Variants in MAD1L1 observed in about 807,000 individuals in gnomAD.
The protein encoded by MAD1L1 is mitotic arrest deficient 1 like 1, also known as mitotic spindle assembly checkpoint protein MAD1.
A neutral mutation model predicts 96.9 loss-of-function variants in MAD1L1; 95 were observed. The ratio of observed to expected loss-of-function variants is 0.98; its 90% CI spans 0.83 to 1.16. MAD1L1 has a LOEUF of 1.16. MAD1L1 is among the 50% of genes most tolerant of loss of function. MAD1L1 has a pLI of 0.00. For synonymous variants in MAD1L1, 473 were observed against 396.6 expected (o/e 1.19, Z -2.29); for missense variants, 1,007 against 954.4 (o/e 1.06, Z -0.73).
intron 18 of MAD1L1, among the ~76,000 whole-genome samples, chr7:1,863,120 C>T (rs1328927868): frequency 6.6e-6 from 1 of 152,276 alleles, no homozygotes; most frequent in Admixed American, 6.5e-5. Flanking sequence ...GAGGGAGCCC[C>T]AAGCCCCGCA....
At chr7:1,965,940 C>T (rs1319176075) in intron 15 of MAD1L1, among the ~76,000 whole-genome samples, 1 of 152,272 alleles carries the variant, frequency 6.6e-6, no homozygotes, top group Non-Finnish European at 1.5e-5. Context: ...GACTGAAAAG[C>T]GTAGTCCTGG....
chr7:2,056,118 A>G lies in MAD1L1; in HGVS notation c.1218+13076T>C, dbSNP rs183419452. ...CACAGAGCTGACCCCCCGACGCCTCAGCGGGCGCCACAGGGAACATGATGA... is the reference window on the plus strand; with the variant it reads ...CACAGAGCTGACCCCCCGACGCCTCGGCGGGCGCCACAGGGAACATGATGA... On this transcript the variant is annotated intron_variant, in intron 12 of 18. Coordinates refer to ENST00000265854, the MANE Select transcript of MAD1L1 (RefSeq NM_001013836.2). 2.6e-5 allele frequency among the ~76,000 whole-genome samples: 4 copies of G among 152,370 alleles called. 1 individual carries two copies. The highest frequency in any genetic ancestry group is 2.6e-4 in the Admixed American group (4 of 15,308).
At chr7:1,911,482 G>A (rs1331589542) in intron 17 of MAD1L1, among the ~76,000 whole-genome samples, 4 of 152,170 alleles carry the variant, frequency 2.6e-5, no homozygotes, top group South Asian at 4.1e-4. Flanking sequence ...GTCCTCTGCC[G>A]CTACAAGTCC....
At chr7:1,895,827 G>A (rs1786831083) in intron 18 of MAD1L1, among the ~76,000 whole-genome samples, 1 of 152,240 alleles carries the variant, frequency 6.6e-6, no homozygotes, top group Admixed American at 6.5e-5. Flanking sequence ...CACGGGCCTT[G>A]GGCCAGGACA....
intron 11 of MAD1L1, among the ~76,000 whole-genome samples, chr7:2,078,454 C>A (rs916782626): frequency 6.6e-6 from 1 of 152,218 alleles, no homozygotes; most frequent in African/African-American, 2.4e-5. Flanking sequence ...CCCTGCCCCA[C>A]GCTCACGGGG....
Position 1,821,068 on chromosome 7 carries a change from G to A in MAD1L1, c.1999-4840C>T, listed in dbSNP as rs113624960. ...TGCACTCCAGCCTGAGCAACACAGC[G>A]AGACTCCATCTCAAAAAAAAAAAAA... On this transcript the variant is annotated intron_variant, in intron 18 of 18. Transcript: ENST00000265854. 3.6e-3 allele frequency among the ~76,000 whole-genome samples: 425 copies of A among 117,250 alleles called. 3 individuals are homozygous for A. The East Asian group carries it at 0.06, about 17-fold the overall frequency. The allele number at this position is 117,250 out of a possible 152,430, so 76.9% of individuals were successfully genotyped here.
At chr7:2,023,107 T>C (rs993109519) in intron 12 of MAD1L1, among the ~76,000 whole-genome samples, 10 of 152,154 alleles carry the variant, frequency 6.6e-5, no homozygotes, top group African/African-American at 1.9e-4. Flanking sequence ...TTCAACACCC[T>C]CTTATCAGAA....
chr7:2,044,672 T>C (rs1307630381), intron 12 of MAD1L1, among the ~76,000 whole-genome samples: 2 of 152,154 alleles, frequency 1.3e-5, no homozygotes, highest in East Asian at 1.9e-4. Context: ...CCTCGGTTTC[T>C]CTTCCTGTAC....
In MAD1L1 at chr7:1,882,841, G is replaced by A. The variant is rs1438215286; in HGVS notation, c.1998+15359C>T. On this transcript the variant is annotated intron_variant, in intron 18 of 18. Transcript: ENST00000265854. ...TCCTGGGTCGGTGCTGAGGTGAGAA[G>A]GCACTGGCAGTTTTGCTCCTTTAGA... Among the ~76,000 whole-genome samples the A allele has an allele frequency of 6.6e-5, 10 of 152,360 alleles. No homozygotes were observed. The East Asian group carries it at 1.9e-3, about 29-fold the overall frequency.
At chr7:1,907,676 G>C (rs911847686) in intron 17 of MAD1L1, among the ~76,000 whole-genome samples, 3 of 152,256 alleles carry the variant, frequency 2.0e-5, no homozygotes, top group East Asian at 1.9e-4. Context: ...TGGCAGGAGT[G>C]GGGGAAACAT....
chr7:2,231,784 T>C (rs1351937888), intron 1 of MAD1L1, among the ~76,000 whole-genome samples: 1 of 152,190 alleles, frequency 6.6e-6, no homozygotes, highest in African/African-American at 2.4e-5. Context: ...AAGAAAGGTA[T>C]CTGACATTTC....
intron 10 of MAD1L1, among the ~76,000 whole-genome samples, chr7:2,204,196 T>C (rs780233696): frequency 5.3e-5 from 8 of 151,886 alleles, no homozygotes; most frequent in Non-Finnish European, 1.2e-4. Context: ...AGGGGATGGG[T>C]CCCTCCCCAA....
At chr7:2,056,197 A>G (rs1784382157) in intron 12 of MAD1L1, among the ~76,000 whole-genome samples, 1 of 152,196 alleles carries the variant, frequency 6.6e-6, no homozygotes. Context: ...TCCAGATGAC[A>G]CAGCAGGTAC....
At chr7:2,224,704 A>G (rs1216708116) in intron 4 of MAD1L1, among the ~76,000 whole-genome samples, 3 of 152,090 alleles carry the variant, frequency 2.0e-5, no homozygotes, top group African/African-American at 7.2e-5. Context: ...CATTTCCACA[A>G]CTGATCAGCA....
chr7:1,954,945 G>A (rs1249075641), intron 16 of MAD1L1, among the ~76,000 whole-genome samples: 1 of 152,290 alleles, frequency 6.6e-6, no homozygotes, highest in East Asian at 1.9e-4. Context: ...ACAGCTCTGG[G>A]CTCTTAGGGA....
chr7:2,143,030 C>T (rs1789120834), intron 11 of MAD1L1, among the ~76,000 whole-genome samples: 1 of 152,122 alleles, frequency 6.6e-6, no homozygotes, highest in Non-Finnish European at 1.5e-5. Context: ...CTGAAGGCTC[C>T]CAGAAATTGT....
At chr7:1,876,246 G>A (rs1785381637) in intron 18 of MAD1L1, among the ~76,000 whole-genome samples, 1 of 152,124 alleles carries the variant, frequency 6.6e-6, no homozygotes, top group African/African-American at 2.4e-5. Context: ...CACAACCATT[G>A]GTCATGTTAA....
Position 1,848,150 on chromosome 7 carries a change from T to A in MAD1L1, c.1999-31922A>T, listed in dbSNP as rs528167353. 3 of 220,846 alleles carry A rather than the reference T, an allele frequency of 1.4e-5. No individual in the cohort carries two copies. In the South Asian group the frequency reaches 2.0e-4, roughly 15 times the overall value. The allele number at this position is 220,846 out of a possible 1,614,324, so 13.7% of individuals were successfully genotyped here. On this transcript the variant is annotated intron_variant, in intron 18 of 18. Transcript: ENST00000265854. ...TCTCAGGGCTGGGTCCGCAGGCCAC[T>A]CTCCCTCCCTCAACAACACTCACGC...
chr7:2,134,682 C>T (rs148843984), intron 11 of MAD1L1, among the ~76,000 whole-genome samples: 166 of 152,272 alleles, frequency 1.1e-3, no homozygotes, highest in African/African-American at 3.9e-3. Context: ...CACCAGAGCC[C>T]AATTGTGTCC....
Sources: allele counts gnomAD v4.1 joint callset (sites outside exome capture counted in the v4.1 genomes callset), GRCh38; gene constraint gnomAD v4.1.1; transcripts MANE v1.5; gene names NCBI Gene and HGNC (gene_info 2026-07-23, HGNC 2026-07-21).